The following ZNF831 variants were observed in gnomAD, a reference collection of about 807,000 sequenced individuals.
ZNF831 encodes the protein chromosome 20 open reading frame 174.
Under a neutral mutation model 95.8 loss-of-function variants are expected in ZNF831, and 59 were observed. The observed-to-expected ratio is 0.62, with a 90% CI of 0.50 to 0.77. The LOEUF (loss-of-function observed/expected upper bound fraction) is 0.77. ZNF831 is among the 30% of genes least tolerant of loss of function. The probability of loss-of-function intolerance (pLI) is 0.00; values close to 1 mark genes in which losing one functional copy is unlikely to be tolerated. For synonymous variants in ZNF831, 961 were observed against 925.5 expected, an observed-to-expected ratio of 1.04 and a Z score of -0.70; for missense variants, 2,205 against 2,164.0, an observed-to-expected ratio of 1.02 and a Z score of -0.38.
At position 59,193,317 on chromosome 20, in the gene ZNF831, C is replaced by T. The variant is rs747061686; in HGVS notation, c.2298C>T (p.Gly766=). The T allele has an allele frequency of 7.4e-6, 12 of 1,612,536 alleles. No homozygotes were observed. The Admixed American group carries it at 2.0e-4, about 27-fold the overall frequency. ...ELGWQMPPAP[G]PLKGGDVEAP... is the part of the protein sequence containing the mutation. ...GGTGGCAGATGCCCCCAGCACCTGG[C>T]CCCCTCAAAGGGGGTGATGTAGAGG... The change falls in exon 2 of 6, where the codon GGC becomes GGT. Residue 766 remains glycine, a synonymous_variant. Transcript: ENST00000371030.
At chr20:59,252,941 A>G in intron 4 of ZNF831, 37 bp from the exon 5 acceptor site, 1 of 1,598,920 alleles carries the variant, frequency 6.3e-7, no homozygotes. Flanking sequence ...TAATTTTATA[A>G]TTCCAGTCAT....
intron 2 of ZNF831, among the ~76,000 whole-genome samples, chr20:59,156,448 C>T (rs1442299445): frequency 2.0e-5 from 3 of 152,150 alleles, no homozygotes; most frequent in African/African-American, 7.2e-5. Context: ...ATGGCTTGAA[C>T]CCAGGAGGTG....
chr20:59,257,875 T>G lies in ZNF831; in HGVS notation c.*3132T>G, dbSNP rs1049917742. ...TCAAAAGTGACATTTCCCCATGATGTTCAAGACTCACCAGGTTTCTCTCTC... is the reference window on the plus strand; with the variant it reads ...TCAAAAGTGACATTTCCCCATGATGGTCAAGACTCACCAGGTTTCTCTCTC... On this transcript the variant is annotated 3_prime_UTR_variant, in exon 6 of 6. Transcript: ENST00000371030. 1 of 152,168 alleles carries G rather than the reference T, an allele frequency of 6.6e-6. No homozygotes were observed. Among genetic ancestry groups the G allele is most frequent in the African/African-American group, 2.4e-5 (1 of 41,438 alleles). The allele number at this position is 152,168 out of a possible 1,614,324, so 9.4% of individuals were successfully genotyped here.
At position 59,217,098 on chromosome 20, in the gene ZNF831, C is replaced by T. The variant is rs537021108; in HGVS notation, c.4027+10042C>T. Among the ~76,000 whole-genome samples, 7 of 152,220 alleles carry T rather than the reference C, an allele frequency of 4.6e-5. No individual in the cohort carries two copies. Among genetic ancestry groups the T allele is most frequent in the African/African-American group, 1.2e-4 (5 of 41,510 alleles). ...TGTTCAGTTTCACCACTACCCCATC[C>T]CAATACCATCCTCAGGTAAAATGAC... On this transcript the variant is annotated intron_variant, in intron 4 of 5. Transcript: ENST00000371030. This position sits in a 1 kb window ranked among gnomAD's most constrained non-coding sequence, Gnocchi z 4.4.
At chr20:59,161,778 A>G (rs1042749918), upstream of ZNF831, among the ~76,000 whole-genome samples, 1 of 152,246 alleles carries the variant, frequency 6.6e-6, no homozygotes, top group African/African-American at 2.4e-5. Flanking sequence ...GTAGATACCC[A>G]GTAATGAGAT....
chr20:59,180,696 A>C (rs988803727), intron 1 of ZNF831, among the ~76,000 whole-genome samples: 7 of 152,230 alleles, frequency 4.6e-5, no homozygotes, highest in African/African-American at 1.7e-4. Context: ...CCTGCAAAGG[A>C]CATGAACTCA....
At chr20:59,247,537 G>T (rs969905626) in intron 4 of ZNF831, among the ~76,000 whole-genome samples, 3 of 152,144 alleles carry the variant, frequency 2.0e-5, no homozygotes, top group African/African-American at 2.4e-5. Flanking sequence ...ATAAATAACT[G>T]TCCACAAAGT....
rs1983632104 is a variant in ZNF831 at position 59,192,260 on chromosome 20, A to T, written c.1241A>T (p.His414Leu). 1.9e-6 allele frequency: 3 copies of T among 1,593,196 alleles called. No homozygotes were observed. In the African/African-American group the frequency reaches 4.0e-5, roughly 21 times the overall value. ...LEERIAQLIS[H>L]NQAVVDDAQL... ...GAGCGCATCGCCCAGCTCATCTCCC[A>T]CAACCAGGCGGTGGTGGACGATGCC... Residue 414 changes from histidine to leucine, a missense_variant, in exon 2 of 6, where the codon CAC becomes CTC. His to Leu is a moderately conservative substitution (Grantham distance 99). Transcript: ENST00000371030. The surrounding 1 kb of genome is among the most constrained non-coding windows in gnomAD (Gnocchi z 5.2).
At chr20:59,190,779 T>A (rs1325707519) in intron 1 of ZNF831, among the ~76,000 whole-genome samples, 2 of 152,246 alleles carry the variant, frequency 1.3e-5, no homozygotes, top group East Asian at 3.9e-4. Flanking sequence ...ACATGTCAGC[T>A]TGCATGACAA....
chr20:59,249,378 G>A (rs1378152713), intron 4 of ZNF831, among the ~76,000 whole-genome samples: 5 of 151,980 alleles, frequency 3.3e-5, no homozygotes, highest in East Asian at 1.9e-4. Flanking sequence ...TTTCACTCTC[G>A]GTAATATCCC....
intron 1 of ZNF831, among the ~76,000 whole-genome samples, chr20:59,179,522 G>A (rs748034342): frequency 1.3e-5 from 2 of 151,956 alleles, no homozygotes; most frequent in Non-Finnish European, 2.9e-5. Context: ...TAGAGGGAGG[G>A]GCCACCCTCC....
At chr20:59,145,455 A>G (rs1979816061) in intron 1 of ZNF831, among the ~76,000 whole-genome samples, 1 of 152,222 alleles carries the variant, frequency 6.6e-6, no homozygotes, top group Non-Finnish European at 1.5e-5. Context: ...TGATTATTCC[A>G]GAGCAATACA....
At chr20:59,239,647 C>T (rs962048431) in intron 4 of ZNF831, among the ~76,000 whole-genome samples, 7 of 150,588 alleles carry the variant, frequency 4.6e-5, no homozygotes, top group South Asian at 2.1e-4. Context: ...TGGGTTCAAG[C>T]GATTCTCCTG....
chr20:59,179,422 T>C (rs949506395), intron 1 of ZNF831, among the ~76,000 whole-genome samples: 1 of 152,284 alleles, frequency 6.6e-6, no homozygotes, highest in East Asian at 1.9e-4. Flanking sequence ...CAGTAACAAA[T>C]GACCACACAC....
rs1299732000 is a variant in ZNF831 at position 59,254,050 on chromosome 20, G to A, written c.4341G>A (p.Glu1447=). Residue 1447 remains glutamate (E), a synonymous_variant, in exon 6 of 6, where the codon GAG becomes GAA. Transcript: ENST00000371030. The surrounding 1 kb of genome is among the most constrained non-coding windows in gnomAD (Gnocchi z 4.5). ...AAGGTCTTGACCTTGGGTTGCTGGA[G>A]ACTCAGCTGCTGGCCTCCCAGGATT... ...PGKGLDLGLL[E]TQLLASQDSV... 6.2e-7 allele frequency: 1 copy of A among 1,613,998 alleles called. No individual in the cohort carries two copies. The highest frequency in any genetic ancestry group is 8.5e-7 in the Non-Finnish European group (1 of 1,180,038).
intron 4 of ZNF831, among the ~76,000 whole-genome samples, chr20:59,219,428 C>T (rs578097351): frequency 6.6e-6 from 1 of 152,286 alleles, no homozygotes; most frequent in Admixed American, 6.5e-5. Flanking sequence ...GCAAGGGGAG[C>T]CGGCACAGAC....
intron 4 of ZNF831, among the ~76,000 whole-genome samples, chr20:59,239,235 C>T (rs1987173917): frequency 6.6e-6 from 1 of 152,096 alleles, no homozygotes; most frequent in South Asian, 2.1e-4. Flanking sequence ...AACCCATTCC[C>T]AGCGCTTCCA....
At chr20:59,130,371 G>C (rs1156527371) in intron 1 of ZNF831, among the ~76,000 whole-genome samples, 1 of 152,192 alleles carries the variant, frequency 6.6e-6, no homozygotes, top group East Asian at 1.9e-4. Context: ...GGTTTGCAAA[G>C]TGTGAAAGGG....
At chr20:59,247,216 G>A (rs562592648) in intron 4 of ZNF831, among the ~76,000 whole-genome samples, 7 of 152,314 alleles carry the variant, frequency 4.6e-5, no homozygotes, top group East Asian at 3.9e-4. Flanking sequence ...TTTACTGTGT[G>A]CATAGTTTTG....
Sources: gnomAD v4.1 joint callset for allele counts (sites outside exome capture counted in the v4.1 genomes callset) on GRCh38, gnomAD v4.1.1 for gene constraint, Gnocchi (gnomAD v3.1) non-coding constraint, MANE v1.5 for transcripts, NCBI Gene and HGNC (gene_info 2026-07-23, HGNC 2026-07-21) for gene names.